The following COL28A1 variants were observed in gnomAD, a reference collection of about 807,000 sequenced individuals.
The protein encoded by COL28A1 is collagen type XXVIII alpha 1 chain, also known as collagen alpha-1(XXVIII) chain.
A neutral mutation model predicts 150.2 loss-of-function variants in COL28A1; 161 were observed. The ratio of observed to expected loss-of-function variants is 1.07; its 90% confidence interval spans 0.94 to 1.22. The LOEUF (loss-of-function observed/expected upper bound fraction) is 1.22. COL28A1 is among the 50% of genes most tolerant of loss of function. The probability of loss-of-function intolerance (pLI) is 0.00; values close to 1 mark genes in which losing one functional copy is unlikely to be tolerated. For synonymous variants in COL28A1, 552 were observed against 469.7 expected (o/e 1.18, Z -2.26); for missense variants, 1,617 against 1,388.3 (o/e 1.16, Z -2.62).
chr7:7,340,042 G>A, the COL28A1 span, among the ~76,000 whole-genome samples: 1 of 152,070 alleles, frequency 6.6e-6, no homozygotes, highest in Non-Finnish European at 1.5e-5. Flanking sequence ...CCAGGCTGGA[G>A]TACAATGGTG....
intron 27 of COL28A1, among the ~76,000 whole-genome samples, chr7:7,404,385 A>G (rs567511546): frequency 6.6e-6 from 1 of 151,986 alleles, no homozygotes; most frequent in East Asian, 2.0e-4. Context: ...ATGGCTCCCC[A>G]TTTCACTCTG....
At chr7:7,406,133 G>A (rs902278618) in intron 27 of COL28A1, among the ~76,000 whole-genome samples, 1 of 152,154 alleles carries the variant, frequency 6.6e-6, no homozygotes, top group Admixed American at 6.6e-5. Flanking sequence ...GGCCAACCAT[G>A]TATACCAACC....
intron 15 of COL28A1, among the ~76,000 whole-genome samples, chr7:7,466,127 G>A (rs1562748362): frequency 7.3e-6 from 1 of 136,372 alleles, no homozygotes; most frequent in East Asian, 2.2e-4. Context: ...AGAGCTGAGA[G>A]AAGAAGGCTT....
chr7:7,401,098 T>A (rs183804530), intron 27 of COL28A1, among the ~76,000 whole-genome samples: 2 of 150,652 alleles, frequency 1.3e-5, no homozygotes, highest in Non-Finnish European at 3.0e-5. Context: ...TCTCATCTAA[T>A]CAGCAGCACC....
At chr7:7,381,516 C>G in intron 28 of COL28A1, 28 bp downstream of exon 28, 1 of 1,561,194 alleles carries the variant, frequency 6.4e-7, no homozygotes, top group East Asian at 2.2e-5. Context: ...TAAGCCTAAG[C>G]ATTTCTCTAA....
At chr7:7,449,141 TTAAAA>T (rs1485063035) in intron 18 of COL28A1, among the ~76,000 whole-genome samples, 2 of 152,078 alleles carry the variant, frequency 1.3e-5, no homozygotes, top group Admixed American at 6.6e-5. Context: ...AATACAGTTA[TTAAAA>T]TAAAAGCAAA....
chr7:7,459,280 A>G (rs899107851), intron 15 of COL28A1, among the ~76,000 whole-genome samples: 4 of 152,240 alleles, frequency 2.6e-5, no homozygotes, highest in African/African-American at 4.8e-5. Context: ...AGAGCAACTC[A>G]TGTATTTTTT....
At chr7:7,524,423 C>T (rs984530691) in intron 3 of COL28A1, among the ~76,000 whole-genome samples, 174 bp from the exon 4 acceptor site, 4 of 152,066 alleles carry the variant, frequency 2.6e-5, no homozygotes, top group Non-Finnish European at 5.9e-5. Context: ...AGGAGCAGTC[C>T]GAGCCATGTA....
the COL28A1 span, among the ~76,000 whole-genome samples, chr7:7,541,960 TAATCACATATCTAACTCTAGTTGAC>T: frequency 4.5e-3 from 688 of 151,266 alleles, 11 homozygotes; most frequent in African/African-American, 0.016. Context: ...AAAAATTAAG[TAATCACATATCTAACTCTAGTTGAC>T]AATACCATGC....
chr7:7,477,447 G>A (rs542210290), intron 13 of COL28A1, among the ~76,000 whole-genome samples: 118 of 152,310 alleles, frequency 7.7e-4, no homozygotes, highest in African/African-American at 2.6e-3. Flanking sequence ...TATACCAGAT[G>A]TGCATAGGTT....
intron 8 of COL28A1, among the ~76,000 whole-genome samples, chr7:7,511,488 C>T (rs375810860): frequency 1.3e-5 from 2 of 152,144 alleles, no homozygotes; most frequent in African/African-American, 4.8e-5. Context: ...CCAGGGAGAT[C>T]AGCTTTATCA....
At chr7:7,538,716 T>C (rs1782728512), upstream of COL28A1, among the ~76,000 whole-genome samples, 1 of 152,134 alleles carries the variant, frequency 6.6e-6, no homozygotes, top group Non-Finnish European at 1.5e-5. Context: ...GAATTGTATC[T>C]GCATGAAGTC....
upstream of COL28A1, among the ~76,000 whole-genome samples, chr7:7,537,823 AC>A (rs140034543): frequency 0.015 from 2,306 of 152,340 alleles, 60 homozygotes; most frequent in African/African-American, 0.052. Context: ...TGTTAGTCAC[AC>A]TTTTTACTTT....
At chr7:7,410,399 A>C (rs1783715799) in intron 27 of COL28A1, among the ~76,000 whole-genome samples, 1 of 152,150 alleles carries the variant, frequency 6.6e-6, no homozygotes, top group Admixed American at 6.6e-5. Context: ...CAAACTATTC[A>C]AAACTTGAGG....
intron 5 of COL28A1, among the ~76,000 whole-genome samples, chr7:7,521,100 T>C (rs1208340496): frequency 6.6e-6 from 1 of 152,224 alleles, no homozygotes; most frequent in Non-Finnish European, 1.5e-5. Flanking sequence ...TGAAAATTTT[T>C]ATCCATGCAT....
At chr7:7,380,394 C>G (rs987357795) in intron 30 of COL28A1, among the ~76,000 whole-genome samples, 1 of 152,138 alleles carries the variant, frequency 6.6e-6, no homozygotes, top group Non-Finnish European at 1.5e-5. Context: ...TGGCCAGTAA[C>G]AGCAGTGTGA....
At chr7:7,477,335 C>T (rs1788981795) in intron 13 of COL28A1, among the ~76,000 whole-genome samples, 155 bp from the exon 14 acceptor site, 1 of 152,210 alleles carries the variant, frequency 6.6e-6, no homozygotes, top group Non-Finnish European at 1.5e-5. Flanking sequence ...CATGTACAGG[C>T]TTTTTCTACT....
intron 15 of COL28A1, among the ~76,000 whole-genome samples, chr7:7,456,435 T>A (rs1274178697): frequency 6.6e-6 from 1 of 152,142 alleles, no homozygotes; most frequent in Non-Finnish European, 1.5e-5. Flanking sequence ...AACAGAAATA[T>A]TTAAAAGTAG....
intron 27 of COL28A1, among the ~76,000 whole-genome samples, chr7:7,411,689 C>T (rs1452372671): frequency 6.6e-6 from 1 of 152,178 alleles, no homozygotes; most frequent in South Asian, 2.1e-4. Flanking sequence ...AAACCCCAAG[C>T]CCCCTCCAGC....
Sources: gnomAD v4.1 joint callset for allele counts (sites outside exome capture counted in the v4.1 genomes callset) on GRCh38, gnomAD v4.1.1 for gene constraint, MANE v1.5 for transcripts, NCBI Gene and HGNC (gene_info 2026-07-23, HGNC 2026-07-21) for gene names.